Variants in HIVEP3 observed in about 807,000 individuals in gnomAD.
HIVEP3 encodes the protein transcription factor HIVEP3.
HIVEP3 carries 49 observed loss-of-function variants against 152.8 expected under a neutral mutation model. That is an observed-to-expected ratio of 0.32 (90% CI 0.26 to 0.41). HIVEP3 has a LOEUF of 0.41. Among genes scored for constraint, HIVEP3 ranks in the 10% least tolerant of loss-of-function variants. The probability of loss-of-function intolerance (pLI) is 1.00; values close to 1 mark genes in which losing one functional copy is unlikely to be tolerated. For synonymous variants in HIVEP3, 1,269 were observed against 1,289.0 expected (o/e 0.98, Z 0.33); for missense variants, 2,790 against 3,103.3 (o/e 0.90, Z 2.40).
intron 6 of HIVEP3, among the ~76,000 whole-genome samples, chr1:41,520,220 T>C (rs1270600991): frequency 6.6e-6 from 1 of 152,144 alleles, no homozygotes; most frequent in Non-Finnish European, 1.5e-5. Context: ...GGGGGACCCT[T>C]AAGCTGGGAT....
intron 1 of HIVEP3, among the ~76,000 whole-genome samples, chr1:41,887,641 C>T (rs1056077040): frequency 5.9e-5 from 9 of 152,192 alleles, no homozygotes; most frequent in Non-Finnish European, 1.0e-4. Context: ...TCACTGCAGC[C>T]AGCACATGTG....
At chr1:41,858,137 A>C (rs555482708) in intron 1 of HIVEP3, among the ~76,000 whole-genome samples, 2 of 152,198 alleles carry the variant, frequency 1.3e-5, no homozygotes, top group African/African-American at 4.8e-5. Flanking sequence ...AATGGAAAAC[A>C]TAAGTTTTAC....
At chr1:41,691,029 C>T (rs920178062) in intron 2 of HIVEP3, among the ~76,000 whole-genome samples, 6 of 152,212 alleles carry the variant, frequency 3.9e-5, no homozygotes, top group African/African-American at 1.2e-4. Context: ...AGTTATCTGA[C>T]CTCTCTTTGC....
At chr1:41,893,096 G>C (rs886537625) in intron 1 of HIVEP3, among the ~76,000 whole-genome samples, 1 of 147,546 alleles carries the variant, frequency 6.8e-6, no homozygotes, top group African/African-American at 2.5e-5. Flanking sequence ...GCACTCTAGC[G>C]TGGGTGACAA....
intron 1 of HIVEP3, among the ~76,000 whole-genome samples, chr1:41,857,236 G>A (rs907941512): frequency 6.6e-6 from 1 of 152,130 alleles, no homozygotes; most frequent in Non-Finnish European, 1.5e-5. Context: ...CCCAAGCCAA[G>A]GTCCCGGCTT....
rs146722099 is a variant in HIVEP3, at chr1:41,511,060, C to T, written c.6612G>A (p.Gln2204=). 6.8e-6 allele frequency: 11 copies of T among 1,614,098 alleles called. No individual in the cohort carries two copies. The highest frequency in any genetic ancestry group is 2.7e-5 in the African/African-American group (2 of 75,044). ...GGGTGGGGTGGGCTCCTGGCCGGGCCTGCACCATCTGGATCCCACCGATGG... is the reference window on the plus strand; with the variant it reads ...GGGTGGGGTGGGCTCCTGGCCGGGCTTGCACCATCTGGATCCCACCGATGG... ...LIPIGGIQMV[Q]ARPGAHPTLL... The change falls in exon 9 of 9, where the codon CAG becomes CAA. Residue 2204 remains glutamine, a synonymous_variant. Coordinates refer to ENST00000372583, the MANE Select transcript of HIVEP3 (RefSeq NM_024503.5). The surrounding 1 kb of genome is among the most constrained non-coding windows in gnomAD (Gnocchi z 4.9).
At chr1:41,756,902 TAC>T (rs1647334264) in intron 1 of HIVEP3, among the ~76,000 whole-genome samples, 1 of 152,022 alleles carries the variant, frequency 6.6e-6, no homozygotes, top group South Asian at 2.1e-4. Context: ...ACAAATAATA[TAC>T]ACACACATTT....
chr1:41,936,315 A>G (rs946930551), intron 1 of HIVEP3, among the ~76,000 whole-genome samples: 6 of 152,118 alleles, frequency 3.9e-5, no homozygotes, highest in Non-Finnish European at 7.3e-5. Context: ...TATTCAGATG[A>G]CTCAGCAAGA....
intron 5 of HIVEP3, among the ~76,000 whole-genome samples, chr1:41,562,463 C>T (rs981933331): frequency 4.6e-5 from 7 of 152,094 alleles, no homozygotes; most frequent in Non-Finnish European, 8.8e-5. Context: ...GTGGGAAAAA[C>T]TTTCTTCCTT....
intron 1 of HIVEP3, among the ~76,000 whole-genome samples, chr1:41,738,701 C>A (rs539233041): frequency 6.6e-6 from 1 of 152,328 alleles, no homozygotes; most frequent in Non-Finnish European, 1.5e-5. Context: ...TGCTGTGTAA[C>A]TGTGCTGTTT....
intron 5 of HIVEP3, among the ~76,000 whole-genome samples, chr1:41,568,189 T>TG (rs1475141596): frequency 1.3e-5 from 2 of 152,130 alleles, no homozygotes; most frequent in Non-Finnish European, 2.9e-5. Flanking sequence ...AGTAAATACC[T>TG]GGAGAAAAAT....
At chr1:41,642,007 A>C (rs1645381011) in intron 2 of HIVEP3, among the ~76,000 whole-genome samples, 1 of 152,228 alleles carries the variant, frequency 6.6e-6, no homozygotes, top group South Asian at 2.1e-4. Flanking sequence ...AGAAGGACTC[A>C]ATCAGGTAGT....
rs1644402620 is a variant in HIVEP3, at chr1:41,508,135, T to G, written c.*2316A>C. On this transcript the variant is annotated 3_prime_UTR_variant, in exon 9 of 9. Coordinates refer to ENST00000372583, the MANE Select transcript of HIVEP3 (RefSeq NM_024503.5). The stretch of plus-strand genomic sequence containing the variant: ...TGGAAGGCAGGGTGGGGTGGAGTGG[T>G]GTGGGGCCCCCCACCAATGTCAGGG... 6.6e-6 allele frequency: 1 copy of G among 152,138 alleles called. No individual in the cohort carries two copies. Among genetic ancestry groups the G allele is most frequent in the East Asian group, 1.9e-4 (1 of 5,166 alleles). The allele number at this position is 152,138 out of a possible 1,614,324, so 9.4% of individuals were successfully genotyped here. A position where few individuals can be genotyped will look rare whatever the true frequency, so the allele number is the denominator to read the frequency against.
chr1:41,589,414 T>A (rs532126222), intron 3 of HIVEP3, among the ~76,000 whole-genome samples: 1 of 152,316 alleles, frequency 6.6e-6, no homozygotes, highest in East Asian at 1.9e-4. Context: ...AGATCGGGAC[T>A]TGCTGGGGTT....
intron 1 of HIVEP3, among the ~76,000 whole-genome samples, chr1:41,893,944 G>A (rs936251259): frequency 4.7e-5 from 7 of 148,142 alleles, no homozygotes; most frequent in African/African-American, 1.0e-4. Context: ...TTTCTGAGAC[G>A]AAGTCTCACT....
chr1:41,583,193 C>T lies in HIVEP3; in HGVS notation c.1605G>A (p.Val535=). ...GCATTGAGTGGCTTCTCAGGAGAGG[C>T]ACAGGGGGGGCGGTACTGGGCGGGT... ...LQHPPSTAPP[V]PLLRSHSMPS... Residue 535 remains valine (V), a synonymous_variant, in exon 4 of 9, where the codon GTG becomes GTA. Coordinates refer to ENST00000372583, the MANE Select transcript of HIVEP3 (RefSeq NM_024503.5). The surrounding 1 kb of genome is among the most constrained non-coding windows in gnomAD (Gnocchi z 6.9). 1 of 1,607,900 alleles carries T rather than the reference C, an allele frequency of 6.2e-7. No individual in the cohort carries two copies. Among genetic ancestry groups the T allele is most frequent in the South Asian group, 1.1e-5 (1 of 90,492 alleles).
At position 41,513,144 on chromosome 1, in the gene HIVEP3, C is replaced by T. The variant is rs201105196; in HGVS notation, c.6077G>A (p.Cys2026Tyr). 5.0e-6 allele frequency: 8 copies of T among 1,613,876 alleles called. No homozygotes were observed. In the African/African-American group the frequency reaches 1.1e-4, roughly 21 times the overall value. ...AGACAGCTGAAGTCTTGGAGACCCA[C>T]AAGGGAGAGCGCCCATGCCCCTTCC... The part of the protein sequence containing the change: ...DPGRGMGALP[C>Y]GSPRLQLSPL... Residue 2026 changes from cysteine to tyrosine, a missense_variant, in exon 8 of 9, where the codon TGT (cysteine) becomes TAT (tyrosine). Cys to Tyr is a radical substitution (Grantham distance 194, BLOSUM62 -2). This residue lies in a region of HIVEP3 where 816 missense variants were observed against 806.5 expected (regional missense o/e 1.01). Transcript: ENST00000372583.
chr1:41,665,039 T>G (rs1428517163), intron 2 of HIVEP3, among the ~76,000 whole-genome samples: 3 of 151,672 alleles, frequency 2.0e-5, no homozygotes, highest in South Asian at 2.1e-4. Context: ...AGGCCAGGAG[T>G]GTCAGCTGGG....
rs755730730 is a variant in HIVEP3 at position 41,510,632 on chromosome 1, G to A, written c.7040C>T (p.Pro2347Leu). 8.2e-5 allele frequency: 126 copies of A among 1,544,980 alleles called. No homozygotes were observed. The highest frequency in any genetic ancestry group is 1.1e-4 in the South Asian group (9 of 84,126). The change falls in exon 9 of 9, where the codon CCG becomes CTG. Residue 2347 changes from proline to leucine, a missense_variant. Pro to Leu is a moderately conservative substitution (Grantham distance 98). Around this residue, in one of 9 missense-constraint regions of HIVEP3, gnomAD observed 816 missense variants for 806.5 expected, o/e 1.01. Coordinates refer to ENST00000372583, the MANE Select transcript of HIVEP3 (RefSeq NM_024503.5). ...CACAGAGCTGCTGCGGTCCAGCGGCGGGGTGGCAGAAGGCTCGGGGTTGGT... is the reference window on the plus strand; with the variant it reads ...CACAGAGCTGCTGCGGTCCAGCGGCAGGGTGGCAGAAGGCTCGGGGTTGGT... ...APTNPEPSAT[P>L]PLDRSSSVGC... is the part of the protein sequence containing the mutation.
Sources: gnomAD v4.1 joint callset for allele counts (sites outside exome capture counted in the v4.1 genomes callset) on GRCh38, gnomAD v4.1.1 for gene constraint, gnomAD v4.1.1 regional missense constraint, Gnocchi (gnomAD v3.1) non-coding constraint, MANE v1.5 for transcripts, NCBI Gene and HGNC (gene_info 2026-07-23, HGNC 2026-07-21) for gene names.